SORCS2: variants seen among roughly 807,000 people sequenced by gnomAD.
The protein encoded by SORCS2 is sortilin related VPS10 domain containing receptor 2, also known as VPS10 domain-containing receptor SorCS2.
Under a neutral mutation model 141.6 loss-of-function variants are expected in SORCS2, and 100 were observed. The observed-to-expected ratio is 0.71, with a 90% CI of 0.60 to 0.83. The LOEUF is 0.83. Among genes scored for constraint, SORCS2 ranks in the 40% least tolerant of loss-of-function variants. SORCS2 has a pLI of 0.00. For missense variants in SORCS2, 1,646 were observed against 1,560.2 expected, an observed-to-expected ratio of 1.05 and a Z score of -0.93; for synonymous variants, 789 against 676.9, an observed-to-expected ratio of 1.17 and a Z score of -2.57.
chr4:7,608,566 C>T (rs1718202101), intron 3 of SORCS2, among the ~76,000 whole-genome samples: 1 of 152,204 alleles, frequency 6.6e-6, no homozygotes, highest in Non-Finnish European at 1.5e-5. Flanking sequence ...GGGCATCCCA[C>T]ACAGGCTCCC....
intron 18 of SORCS2, among the ~76,000 whole-genome samples, chr4:7,721,666 G>C (rs900044836): frequency 2.6e-5 from 4 of 152,174 alleles, no homozygotes; most frequent in Non-Finnish European, 5.9e-5. Context: ...CATGGAGTTG[G>C]GCTAATGTGC....
intron 1 of SORCS2, among the ~76,000 whole-genome samples, chr4:7,303,430 A>T (rs1164074517): frequency 6.6e-6 from 1 of 152,178 alleles, no homozygotes; most frequent in African/African-American, 2.4e-5. Context: ...CTGTTTCATA[A>T]TTCCTCTATG....
chr4:7,700,409 G>A (rs1035881886), intron 12 of SORCS2, among the ~76,000 whole-genome samples: 2 of 152,136 alleles, frequency 1.3e-5, no homozygotes, highest in African/African-American at 2.4e-5. Context: ...CTCTCCCTAG[G>A]CTATGAATCT....
rs187798321 is a variant in SORCS2 at position 7,354,552 on chromosome 4, C to T, written c.481-41736C>T. On this transcript the variant is annotated intron_variant, in intron 1 of 26. Coordinates refer to ENST00000507866, the MANE Select transcript of SORCS2 (RefSeq NM_020777.3). The stretch of plus-strand genomic sequence containing the variant: ...CGTGCAGCCCCGGCTAAGGCCCACA[C>T]GTCTCTGAGCTCGTGTCCTCTTTTG... Among the ~76,000 whole-genome samples, 568 of 152,350 alleles carry T rather than the reference C, an allele frequency of 3.7e-3. 4 individuals are homozygous for T. The highest frequency in any genetic ancestry group is 0.013 in the African/African-American group (545 of 41,574).
In SORCS2 at chr4:7,725,131, C is replaced by A. The variant is rs757149747; in HGVS notation, c.2612-23C>A. On this transcript the variant is annotated intron_variant, in intron 19 of 26. Transcript: ENST00000507866. Reference sequence around the variant, plus strand: ...CCCCATGCCCTGATATCATCTAACCCTGGCCTTTTTGGGTCCCCACAGCCC... The same window carrying A: ...CCCCATGCCCTGATATCATCTAACCATGGCCTTTTTGGGTCCCCACAGCCC... The A allele has an allele frequency of 6.2e-6, 10 of 1,610,062 alleles. No individual in the cohort carries two copies. In the South Asian group the frequency reaches 1.1e-4, roughly 18 times the overall value.
chr4:7,305,260 T>G (rs547776417), intron 1 of SORCS2, among the ~76,000 whole-genome samples: 161 of 152,262 alleles, frequency 1.1e-3, no homozygotes, highest in African/African-American at 3.7e-3. Flanking sequence ...CTCGATCTGC[T>G]GACCTCGTGA....
intron 1 of SORCS2, among the ~76,000 whole-genome samples, chr4:7,369,179 C>G (rs560014291): frequency 1.3e-5 from 2 of 152,040 alleles, no homozygotes; most frequent in Admixed American, 6.6e-5. Context: ...GAAGTGGTGG[C>G]GTGCACCTGT....
At chr4:7,539,090 C>A (rs376095294) in intron 3 of SORCS2, among the ~76,000 whole-genome samples, 1 of 152,196 alleles carries the variant, frequency 6.6e-6, no homozygotes, top group African/African-American at 2.4e-5. Context: ...AGCCGGTGGG[C>A]TGCTGAACCA....
At chr4:7,367,465 G>A (rs1199296084) in intron 1 of SORCS2, among the ~76,000 whole-genome samples, 2 of 152,220 alleles carry the variant, frequency 1.3e-5, no homozygotes, top group Non-Finnish European at 1.5e-5. Flanking sequence ...TGAGCCTGTC[G>A]GTGCTGCAGG....
At chr4:7,610,253 T>A (rs917557227) in intron 3 of SORCS2, among the ~76,000 whole-genome samples, 4 of 152,168 alleles carry the variant, frequency 2.6e-5, no homozygotes, top group Non-Finnish European at 5.9e-5. Flanking sequence ...CGCCCACCCC[T>A]CCCTGCCACA....
At chr4:7,335,335 C>A (rs1719915569) in intron 1 of SORCS2, among the ~76,000 whole-genome samples, 1 of 152,224 alleles carries the variant, frequency 6.6e-6, no homozygotes, top group Non-Finnish European at 1.5e-5. Context: ...CTGTTCTGGG[C>A]CCTCCCTGGG....
At chr4:7,374,406 G>A (rs113531446) in intron 1 of SORCS2, among the ~76,000 whole-genome samples, 1,868 of 152,192 alleles carry the variant, frequency 0.012, 20 homozygotes, top group African/African-American at 0.021. Flanking sequence ...TGAAAGTGGC[G>A]TGCTCACATC....
At chr4:7,674,206 A>G (rs992923317) in intron 8 of SORCS2, among the ~76,000 whole-genome samples, 13 of 151,376 alleles carry the variant, frequency 8.6e-5, no homozygotes, top group African/African-American at 3.2e-4. Context: ...TGTGTGTTGA[A>G]TTTCGGTCCA....
At chr4:7,227,260 C>T (rs535148311) in intron 1 of SORCS2, among the ~76,000 whole-genome samples, 1 of 152,218 alleles carries the variant, frequency 6.6e-6, no homozygotes, top group Non-Finnish European at 1.5e-5. Flanking sequence ...TCCACACCCC[C>T]ACTTGCAGCC....
At chr4:7,478,053 G>T (rs1351221468) in intron 2 of SORCS2, among the ~76,000 whole-genome samples, 1 of 152,198 alleles carries the variant, frequency 6.6e-6, no homozygotes, top group East Asian at 1.9e-4. Flanking sequence ...GGGGCCTCTT[G>T]AGCCCTTAGA....
chr4:7,530,903 G>T (rs1352136668), intron 2 of SORCS2, among the ~76,000 whole-genome samples: 3 of 152,196 alleles, frequency 2.0e-5, no homozygotes, highest in East Asian at 3.9e-4. Flanking sequence ...TGCCACTCCA[G>T]GGCGGGCATA....
At chr4:7,436,638 A>G (rs1727322289) in intron 2 of SORCS2, among the ~76,000 whole-genome samples, 1 of 152,202 alleles carries the variant, frequency 6.6e-6, no homozygotes, top group Admixed American at 6.5e-5. Flanking sequence ...TGCTGTGTTT[A>G]GCTGTAGAGC....
In SORCS2 at chr4:7,721,900, TC is replaced by T. The variant is rs572201628; in HGVS notation, c.2425-1796del. On this transcript the variant is annotated intron_variant, in intron 18 of 26. Transcript: ENST00000507866. ...ATCTCAGAAGACAATGTTTAATTTTTCTTTAAGCACCAGTAATAATAATGGA... is the reference window on the plus strand; with the variant it reads ...ATCTCAGAAGACAATGTTTAATTTTTTTTAAGCACCAGTAATAATAATGGA... Among the ~76,000 whole-genome samples the T allele has an allele frequency of 1.3e-3, 204 of 152,330 alleles. 1 individual carries two copies. Among genetic ancestry groups the T allele is most frequent in the African/African-American group, 4.3e-3 (179 of 41,574 alleles).
At chr4:7,659,601 A>G (rs1273271263) in intron 5 of SORCS2, among the ~76,000 whole-genome samples, 1 of 152,250 alleles carries the variant, frequency 6.6e-6, no homozygotes. Flanking sequence ...CAGCACTGAG[A>G]GGACGAGTAC....
Sources: allele counts gnomAD v4.1 joint callset (sites outside exome capture counted in the v4.1 genomes callset), GRCh38; gene constraint gnomAD v4.1.1; transcripts MANE v1.5; gene names NCBI Gene and HGNC (gene_info 2026-07-23, HGNC 2026-07-21).